The following GABRB2 variants were observed in gnomAD, a reference collection of about 807,000 sequenced individuals.
GABRB2 encodes the protein gamma-aminobutyric acid receptor subunit beta-2.
GABRB2 carries 16 observed loss-of-function variants against 54.7 expected under a neutral mutation model. That is an observed-to-expected ratio of 0.29 (90% CI 0.20 to 0.44). GABRB2 has a LOEUF of 0.44. Ranked by LOEUF, GABRB2 falls within the 20% of genes least tolerant of loss-of-function variation. GABRB2 has a pLI of 1.00. For synonymous variants in GABRB2, 244 were observed against 233.8 expected (o/e 1.04, Z -0.40); for missense variants, 355 against 644.0 (o/e 0.55, Z 4.86).
intron 3 of GABRB2, among the ~76,000 whole-genome samples, chr5:161,466,479 T>G (rs997106688): frequency 1.3e-5 from 2 of 152,044 alleles, no homozygotes; most frequent in African/African-American, 4.8e-5. Flanking sequence ...AATCAACATA[T>G]TCATTCAATG....
chr5:161,515,281 TA>T (rs964213660), intron 3 of GABRB2, among the ~76,000 whole-genome samples: 20 of 152,044 alleles, frequency 1.3e-4, no homozygotes, highest in African/African-American at 1.9e-4. Context: ...TAGAATTTTT[TA>T]AAAAAAATTC....
At chr5:161,517,799 A>ATT (rs35731363) in intron 3 of GABRB2, among the ~76,000 whole-genome samples, 27 of 144,400 alleles carry the variant, frequency 1.9e-4, no homozygotes, top group African/African-American at 6.3e-4. Context: ...AAAATTTCTG[A>ATT]TTTTTTTTTT....
chr5:161,372,314 G>C (rs997404160), intron 5 of GABRB2, among the ~76,000 whole-genome samples: 1 of 152,188 alleles, frequency 6.6e-6, no homozygotes, highest in African/African-American at 2.4e-5. Context: ...ATCATCTGCA[G>C]CTGATGGTGC....
At chr5:161,416,555 A>T (rs2910304) in intron 4 of GABRB2, among the ~76,000 whole-genome samples, 150,903 of 151,442 alleles carry the variant, frequency 1, 75,185 homozygotes, top group East Asian at 1. Flanking sequence ...AAAAAAAAAA[A>T]TTAAACATCT....
intron 5 of GABRB2, among the ~76,000 whole-genome samples, chr5:161,367,106 A>G (rs1436902405): frequency 2.6e-5 from 4 of 152,232 alleles, no homozygotes; most frequent in East Asian, 3.8e-4. Context: ...GTGAGAGACA[A>G]TAACATATTT....
At chr5:161,458,794 A>C (rs184606460) in intron 4 of GABRB2, among the ~76,000 whole-genome samples, 2 of 152,222 alleles carry the variant, frequency 1.3e-5, no homozygotes, top group South Asian at 2.1e-4. Flanking sequence ...CTGACCCATA[A>C]CAAGTGTTCA....
At chr5:161,353,113 A>G (rs771919859) in intron 5 of GABRB2, among the ~76,000 whole-genome samples, 3 of 152,080 alleles carry the variant, frequency 2.0e-5, no homozygotes, top group Non-Finnish European at 4.4e-5. Flanking sequence ...ATTTATAGCT[A>G]AGGCAAAATA....
intron 3 of GABRB2, among the ~76,000 whole-genome samples, chr5:161,509,553 C>G (rs1759703567): frequency 6.6e-6 from 1 of 151,992 alleles, no homozygotes; most frequent in African/African-American, 2.4e-5. Context: ...TACACATATT[C>G]ATGTCGATTT....
intron 4 of GABRB2, among the ~76,000 whole-genome samples, chr5:161,429,345 C>CAAAA (rs770848428): frequency 3.2e-5 from 1 of 31,412 alleles, no homozygotes; most frequent in East Asian, 1.2e-3. Flanking sequence ...GAATCCGTCT[C>CAAAA]AAAAAAAAAA....
At chr5:161,315,330 C>T (rs1757990706) in intron 9 of GABRB2, among the ~76,000 whole-genome samples, 1 of 152,126 alleles carries the variant, frequency 6.6e-6, no homozygotes, top group Admixed American at 6.6e-5. Flanking sequence ...TGTCCAGGTT[C>T]ACTGAATCAG....
rs1376700072 is a variant in GABRB2 at position 161,437,308 on chromosome 5, G to A, written c.458+22316C>T. On this transcript the variant is annotated intron_variant, in intron 4 of 9. Coordinates refer to ENST00000393959, the MANE Select transcript of GABRB2 (RefSeq NM_001371727.1). ...GTCTTGCATTATGAATACCAGCCCAGCCACAGCAGGATAGGCCACTGGTCA... is the reference window on the plus strand; with the variant it reads ...GTCTTGCATTATGAATACCAGCCCAACCACAGCAGGATAGGCCACTGGTCA... Among the ~76,000 whole-genome samples the A allele has an allele frequency of 5.3e-5, 8 of 151,942 alleles. No individual in the cohort carries two copies. The East Asian group carries it at 1.2e-3, about 22-fold the overall frequency.
intron 5 of GABRB2, among the ~76,000 whole-genome samples, chr5:161,341,937 T>TATA (rs1754172106): frequency 1.2e-4 from 9 of 75,694 alleles, no homozygotes; most frequent in African/African-American, 1.8e-4. Context: ...ATTTTTTCTT[T>TATA]TATATATATA....
chr5:161,440,410 C>T (rs192472316), intron 4 of GABRB2, among the ~76,000 whole-genome samples: 1 of 152,148 alleles, frequency 6.6e-6, no homozygotes, highest in Admixed American at 6.5e-5. Context: ...TATTCCATGC[C>T]AGCGGAAACC....
intron 9 of GABRB2, among the ~76,000 whole-genome samples, chr5:161,315,043 A>G (rs560429076): frequency 2.8e-4 from 43 of 152,292 alleles, no homozygotes; most frequent in Non-Finnish European, 5.3e-4. Flanking sequence ...GTAATATGGT[A>G]GAAGTATGTT....
At chr5:161,507,017 C>A (rs28579076) in intron 3 of GABRB2, among the ~76,000 whole-genome samples, 4 of 151,934 alleles carry the variant, frequency 2.6e-5, no homozygotes, top group Admixed American at 2.6e-4. Flanking sequence ...AGAAATTAGT[C>A]GGGTAAGAAA....
At chr5:161,342,277 A>G (rs1754192751) in intron 5 of GABRB2, among the ~76,000 whole-genome samples, 1 of 151,982 alleles carries the variant, frequency 6.6e-6, no homozygotes, top group African/African-American at 2.4e-5. Flanking sequence ...TGTGTACATC[A>G]CAGCACTTTT....
At chr5:161,450,888 T>G (rs1050170200) in intron 4 of GABRB2, among the ~76,000 whole-genome samples, 15 of 152,110 alleles carry the variant, frequency 9.9e-5, no homozygotes, top group Non-Finnish European at 1.3e-4. Flanking sequence ...TGGAGACAGG[T>G]GCTTTGAAGA....
chr5:161,302,266 G>T (rs1216689075), intron 9 of GABRB2, among the ~76,000 whole-genome samples: 1 of 152,084 alleles, frequency 6.6e-6, no homozygotes, highest in African/African-American at 2.4e-5. Context: ...CATTTTTCAT[G>T]ACAAGAAAAG....
intron 4 of GABRB2, among the ~76,000 whole-genome samples, chr5:161,448,345 A>G (rs9313885): frequency 6.6e-6 from 1 of 151,810 alleles, no homozygotes; most frequent in South Asian, 2.1e-4. Context: ...TTTGCTAGAG[A>G]CCAGGGATTC....
Sources: allele counts gnomAD v4.1 joint callset (sites outside exome capture counted in the v4.1 genomes callset), GRCh38; gene constraint gnomAD v4.1.1; transcripts MANE v1.5; gene names NCBI Gene and HGNC (gene_info 2026-07-23, HGNC 2026-07-21).